Variants in CEP112 observed in about 807,000 individuals in gnomAD.
CEP112 encodes centrosomal protein 112.
A neutral mutation model predicts 153.0 loss-of-function variants in CEP112; 127 were observed. The observed-to-expected ratio is 0.83, with a 90% confidence interval of 0.72 to 0.96. The LOEUF is 0.96. Ranked by LOEUF, CEP112 falls within the 40% of genes least tolerant of loss-of-function variation. The probability of loss-of-function intolerance (pLI) is 0.00; values close to 1 mark genes in which losing one functional copy is unlikely to be tolerated. For synonymous variants in CEP112, 358 were observed against 374.4 expected (o/e 0.96, Z 0.51); for missense variants, 1,089 against 1,101.2 (o/e 0.99, Z 0.16).
At chr17:65,905,773 A>G (rs937673744) in intron 19 of CEP112, among the ~76,000 whole-genome samples, 1 of 151,834 alleles carries the variant, frequency 6.6e-6, no homozygotes, top group Non-Finnish European at 1.5e-5. Flanking sequence ...ACTAAAAATA[A>G]AAAAACAAAA....
At chr17:66,130,787 A>C (rs942824921) in intron 5 of CEP112, among the ~76,000 whole-genome samples, 4 of 151,674 alleles carry the variant, frequency 2.6e-5, no homozygotes, top group African/African-American at 9.7e-5. Flanking sequence ...AAAAAAAAAA[A>C]AAAAAACACA....
chr17:65,934,643 C>T (rs1357990215), intron 18 of CEP112, among the ~76,000 whole-genome samples: 1 of 152,188 alleles, frequency 6.6e-6, no homozygotes, highest in Non-Finnish European at 1.5e-5. Context: ...CTACAAGAGA[C>T]TCATGTCATG....
chr17:66,049,927 T>G, intron 12 of CEP112, among the ~76,000 whole-genome samples: 1 of 152,002 alleles, frequency 6.6e-6, no homozygotes, highest in Non-Finnish European at 1.5e-5. Context: ...TACAAAGAGA[T>G]AGAAAATATA....
At chr17:65,759,906 A>G (rs1254609654) in intron 21 of CEP112, among the ~76,000 whole-genome samples, 1 of 152,180 alleles carries the variant, frequency 6.6e-6, no homozygotes, top group Non-Finnish European at 1.5e-5. Context: ...TAAGTAGAAG[A>G]TGCATTTAAT....
chr17:65,872,451 T>C (rs1387291005), intron 20 of CEP112, among the ~76,000 whole-genome samples: 2 of 152,182 alleles, frequency 1.3e-5, no homozygotes, highest in African/African-American at 2.4e-5. Flanking sequence ...TCTTACTAAA[T>C]ATAATGTTAA....
Position 66,063,060 on chromosome 17 carries a change from C to T in CEP112, c.977G>A (p.Cys326Tyr). Residue 326 changes from cysteine (C) to tyrosine (Y), a missense_variant, in exon 11 of 27, where the codon TGT (cysteine) becomes TAT (tyrosine). Transcript: ENST00000535342. ...EKKVQTLIRD[C>Y]QVIRETKEDQ... ...TTCTTTAGTCTCTCTGATAACTTGA[C>T]AGTCACGTATCAGTGTCTGAACTGT... The T allele has an allele frequency of 6.3e-7, 1 of 1,586,150 alleles. No homozygotes were observed. Among genetic ancestry groups the T allele is most frequent in the Non-Finnish European group, 8.6e-7 (1 of 1,167,110 alleles).
intron 17 of CEP112, among the ~76,000 whole-genome samples, chr17:65,991,896 T>C (rs1176018973): frequency 6.6e-6 from 1 of 152,146 alleles, no homozygotes; most frequent in Non-Finnish European, 1.5e-5. Context: ...TAAAATCCCA[T>C]ACAAGACCAA....
At chr17:65,662,608 A>T (rs1458226400) in intron 24 of CEP112, among the ~76,000 whole-genome samples, 2 of 152,254 alleles carry the variant, frequency 1.3e-5, no homozygotes, top group African/African-American at 4.8e-5. Flanking sequence ...CATGGTAAAG[A>T]GTAAAAAGAC....
chr17:65,695,922 G>C (rs930772208), intron 23 of CEP112, among the ~76,000 whole-genome samples: 13 of 152,170 alleles, frequency 8.5e-5, no homozygotes, highest in Admixed American at 7.9e-4. Context: ...GGTACTCTAA[G>C]TTCGTACTAG....
chr17:65,788,205 A>G (rs1389712884), intron 21 of CEP112, among the ~76,000 whole-genome samples: 2 of 152,222 alleles, frequency 1.3e-5, no homozygotes, highest in Admixed American at 1.3e-4. Flanking sequence ...GTGATGGATT[A>G]TATTAATGGA....
chr17:66,070,862 G>A (rs1473162173), intron 8 of CEP112, among the ~76,000 whole-genome samples: 1 of 152,060 alleles, frequency 6.6e-6, no homozygotes, highest in Non-Finnish European at 1.5e-5. Flanking sequence ...TATATGCACT[G>A]TTGTGACTTT....
At chr17:65,667,389 G>A (rs1358952846) in intron 24 of CEP112, among the ~76,000 whole-genome samples, 1 of 152,228 alleles carries the variant, frequency 6.6e-6, no homozygotes, top group South Asian at 2.1e-4. Context: ...ACAACTCCAG[G>A]GCAATGGAGG....
At chr17:66,087,765 T>C (rs1412784558) in intron 8 of CEP112, among the ~76,000 whole-genome samples, 1 of 152,074 alleles carries the variant, frequency 6.6e-6, no homozygotes, top group Non-Finnish European at 1.5e-5. Context: ...GCTGCAGGTT[T>C]TAAAATACTC....
chr17:65,790,818 T>G (rs1255981788), intron 21 of CEP112, among the ~76,000 whole-genome samples: 2 of 152,162 alleles, frequency 1.3e-5, no homozygotes, highest in Non-Finnish European at 2.9e-5. Context: ...AAATAGAATC[T>G]CTGTGATCTT....
At chr17:66,129,865 G>C (rs898018670) in intron 5 of CEP112, 42 bp from the exon 6 acceptor site, 7 of 1,215,212 alleles carry the variant, frequency 5.8e-6, no homozygotes, top group African/African-American at 3.1e-5. Context: ...AGGAAGGAAA[G>C]ATGGAAGAAA....
chr17:65,943,821 A>C (rs1283816773), intron 18 of CEP112, among the ~76,000 whole-genome samples: 1 of 151,936 alleles, frequency 6.6e-6, no homozygotes, highest in Admixed American at 6.6e-5. Flanking sequence ...ACTTGATTCC[A>C]TTCTCCCTGT....
At chr17:65,835,197 A>G (rs2057254340) in intron 21 of CEP112, among the ~76,000 whole-genome samples, 2 of 151,208 alleles carry the variant, frequency 1.3e-5, no homozygotes, top group Admixed American at 6.6e-5. Context: ...TAAAAGTAAA[A>G]AAAAAAAAAA....
intron 24 of CEP112, among the ~76,000 whole-genome samples, chr17:65,651,415 T>C (rs923900529): frequency 2.0e-5 from 3 of 152,214 alleles, no homozygotes; most frequent in African/African-American, 7.2e-5. Flanking sequence ...TGCAAGTATC[T>C]TTTTCATTTA....
At chr17:65,658,469 C>T (rs934410576) in intron 24 of CEP112, among the ~76,000 whole-genome samples, 1 of 152,166 alleles carries the variant, frequency 6.6e-6, no homozygotes, top group Non-Finnish European at 1.5e-5. Context: ...ATGCTTCAGC[C>T]ATGTGCCTAG....
Sources: allele counts gnomAD v4.1 joint callset (sites outside exome capture counted in the v4.1 genomes callset), GRCh38; gene constraint gnomAD v4.1.1; transcripts MANE v1.5; gene names NCBI Gene and HGNC (gene_info 2026-07-23, HGNC 2026-07-21).